The following SGCD variants were observed in gnomAD, a reference collection of about 807,000 sequenced individuals.
SGCD encodes delta-sarcoglycan.
SGCD carries 18 observed loss-of-function variants against 36.6 expected under a neutral mutation model. The observed-to-expected ratio is 0.49, with a 90% CI of 0.34 to 0.73. The LOEUF is 0.73. SGCD is among the 30% of genes least tolerant of loss of function. SGCD has a pLI of 0.01. For synonymous variants in SGCD, 133 were observed against 130.6 expected (o/e 1.02, Z -0.12); for missense variants, 387 against 346.7 (o/e 1.12, Z -0.92).
At chr5:155,798,000 C>T in the SGCD span, among the ~76,000 whole-genome samples, 36 of 152,148 alleles carry the variant, frequency 2.4e-4, no homozygotes, top group South Asian at 4.1e-4. Context: ...TTCATTTGTT[C>T]AGTTGTTCCT....
intron 3 of SGCD, among the ~76,000 whole-genome samples, chr5:156,287,149 A>G (rs10050429): frequency 0.049 from 7,440 of 152,222 alleles, 551 homozygotes; most frequent in African/African-American, 0.15. Flanking sequence ...TACCTAGTAC[A>G]TGGGCTATTA....
At chr5:155,859,793 T>C in the SGCD span, among the ~76,000 whole-genome samples, 2 of 152,170 alleles carry the variant, frequency 1.3e-5, no homozygotes, top group African/African-American at 2.4e-5. Flanking sequence ...AATGACCTTA[T>C]GTGGTACAGA....
At chr5:156,400,112 T>C (rs1772064406) in intron 3 of SGCD, among the ~76,000 whole-genome samples, 1 of 152,162 alleles carries the variant, frequency 6.6e-6, no homozygotes, top group Non-Finnish European at 1.5e-5. Context: ...GGTAATACAG[T>C]GGTTCTCCAG....
chr5:156,245,529 A>C (rs1258723833), intron 3 of SGCD, among the ~76,000 whole-genome samples: 1 of 152,204 alleles, frequency 6.6e-6, no homozygotes, highest in Non-Finnish European at 1.5e-5. Context: ...ATCCATGATT[A>C]ATCTTAACAA....
chr5:156,574,326 AC>A (rs1759837526), intron 4 of SGCD, among the ~76,000 whole-genome samples: 2 of 152,014 alleles, frequency 1.3e-5, no homozygotes, highest in South Asian at 4.1e-4. Flanking sequence ...TGCCAAATTA[AC>A]CCCCTATTTA....
chr5:155,734,601 G>T, the SGCD span, among the ~76,000 whole-genome samples: 8 of 152,086 alleles, frequency 5.3e-5, no homozygotes, highest in African/African-American at 1.9e-4. Flanking sequence ...TGAGTCACTG[G>T]TCCTTATACT....
chr5:156,037,744 G>A (rs1759534470), intron 1 of SGCD, among the ~76,000 whole-genome samples: 1 of 152,154 alleles, frequency 6.6e-6, no homozygotes, highest in South Asian at 2.1e-4. Context: ...CACAGGTCTT[G>A]CACGTGTTAA....
At chr5:155,814,895 G>A in the SGCD span, among the ~76,000 whole-genome samples, 339 of 152,172 alleles carry the variant, frequency 2.2e-3, no homozygotes, top group African/African-American at 7.7e-3. Flanking sequence ...AAGAAAATAA[G>A]CACATTTTCA....
At chr5:156,164,665 C>T (rs1355051339) in intron 3 of SGCD, among the ~76,000 whole-genome samples, 1 of 152,126 alleles carries the variant, frequency 6.6e-6, no homozygotes, top group Non-Finnish European at 1.5e-5. Flanking sequence ...AGTATCGAAC[C>T]CAAATGTCAG....
Position 156,647,492 on chromosome 5 carries a change from T to A in SGCD, c.531T>A (p.Ser177=). Residue 177 remains serine, a synonymous_variant, in exon 7 of 9, where the codon TCT becomes TCA. Transcript: ENST00000337851. ...CGGAGGGCACAGTGTTCCCTAAATC[T>A]ATAGAAACACCTAATGTCAGGGCAG... is the stretch of plus-strand genomic sequence containing the variant. ...LGAEGTVFPK[S]IETPNVRADP... 1 of 1,587,708 alleles carries A rather than the reference T, an allele frequency of 6.3e-7. No individual in the cohort carries two copies. The highest frequency in any genetic ancestry group is 8.6e-7 in the Non-Finnish European group (1 of 1,165,212).
chr5:156,262,899 G>C (rs1432103822), intron 3 of SGCD, among the ~76,000 whole-genome samples: 1 of 69,784 alleles, frequency 1.4e-5, no homozygotes, highest in African/African-American at 4.3e-5. Flanking sequence ...GTATTCCATG[G>C]TGTGTGTGTG....
At chr5:156,173,056 T>C (rs1386047941) in intron 3 of SGCD, among the ~76,000 whole-genome samples, 1 of 152,142 alleles carries the variant, frequency 6.6e-6, no homozygotes, top group African/African-American at 2.4e-5. Context: ...TTACTTGAGT[T>C]GTAATATTAT....
chr5:155,817,382 G>A, the SGCD span, among the ~76,000 whole-genome samples: 1 of 151,392 alleles, frequency 6.6e-6, no homozygotes, highest in Non-Finnish European at 1.5e-5. Context: ...TTGGCCACTA[G>A]CAAGGTATCT....
At chr5:155,852,113 A>C in the SGCD span, among the ~76,000 whole-genome samples, 1 of 152,232 alleles carries the variant, frequency 6.6e-6, no homozygotes, top group Admixed American at 6.5e-5. Context: ...CATTTTGCCT[A>C]TTCCACCTGT....
chr5:156,188,798 G>GCGTA (rs1258467366), intron 3 of SGCD, among the ~76,000 whole-genome samples: 1 of 151,518 alleles, frequency 6.6e-6, no homozygotes, highest in African/African-American at 2.4e-5. Flanking sequence ...AAGACCGAGA[G>GCGTA]CGTAACCACA....
intron 4 of SGCD, among the ~76,000 whole-genome samples, chr5:156,518,581 T>C (rs1009109073): frequency 1.3e-5 from 2 of 151,894 alleles, no homozygotes; most frequent in African/African-American, 4.8e-5. Context: ...TGACCTAAAA[T>C]TGATAAAATT....
At chr5:156,124,730 C>T (rs925017206) in intron 3 of SGCD, among the ~76,000 whole-genome samples, 2 of 151,064 alleles carry the variant, frequency 1.3e-5, no homozygotes, top group Admixed American at 6.6e-5. Context: ...TATATATGTA[C>T]GTATATATAG....
intron 3 of SGCD, among the ~76,000 whole-genome samples, chr5:156,294,575 A>T (rs1038041927): frequency 6.6e-6 from 1 of 152,128 alleles, no homozygotes; most frequent in Non-Finnish European, 1.5e-5. Flanking sequence ...CTTATAGCAA[A>T]TGCTTTTATT....
intron 3 of SGCD, among the ~76,000 whole-genome samples, chr5:156,128,561 C>T (rs1470181510): frequency 6.6e-6 from 1 of 152,098 alleles, no homozygotes; most frequent in Non-Finnish European, 1.5e-5. Context: ...AATCTCGTCT[C>T]TAATTGTAAT....
Sources: gnomAD v4.1 joint callset for allele counts (sites outside exome capture counted in the v4.1 genomes callset) on GRCh38, gnomAD v4.1.1 for gene constraint, MANE v1.5 for transcripts, NCBI Gene and HGNC (gene_info 2026-07-23, HGNC 2026-07-21) for gene names.